Variants in VEPH1 observed in about 807,000 individuals in gnomAD.
VEPH1 encodes the protein ventricular zone-expressed PH domain-containing protein homolog 1.
VEPH1 carries 80 observed loss-of-function variants against 85.2 expected under a neutral mutation model. The observed-to-expected ratio is 0.94, with a 90% confidence interval of 0.78 to 1.13. The LOEUF (loss-of-function observed/expected upper bound fraction) is 1.13, where lower values mean the gene tolerates loss of function less well. Among genes scored for constraint, VEPH1 ranks in the 50% most tolerant of loss-of-function variants. The pLI is 0.00. For missense variants in VEPH1, 955 were observed against 980.5 expected, an observed-to-expected ratio of 0.97 and a Z score of 0.35; for synonymous variants, 297 against 348.0, an observed-to-expected ratio of 0.85 and a Z score of 1.63.
chr3:157,469,688 C>A (rs1736734965), intron 3 of VEPH1, among the ~76,000 whole-genome samples: 1 of 152,192 alleles, frequency 6.6e-6, no homozygotes, highest in African/African-American at 2.4e-5. Flanking sequence ...TTGTCATAGA[C>A]AATGTCATTT....
At chr3:157,328,433 G>A (rs915307880) in intron 9 of VEPH1, among the ~76,000 whole-genome samples, 4 of 152,152 alleles carry the variant, frequency 2.6e-5, no homozygotes, top group Admixed American at 6.5e-5. Context: ...TGGCATCTAG[G>A]TTGCTCAGTG....
intron 4 of VEPH1, among the ~76,000 whole-genome samples, chr3:157,458,475 T>C (rs892906190): frequency 6.6e-6 from 1 of 152,206 alleles, no homozygotes; most frequent in Non-Finnish European, 1.5e-5. Context: ...GGGCTATTTG[T>C]TTCTTGCTTG....
At chr3:157,265,855 A>T (rs1353993049) in intron 12 of VEPH1, among the ~76,000 whole-genome samples, 193 bp from the exon 13 acceptor site, 2 of 152,108 alleles carry the variant, frequency 1.3e-5, no homozygotes, top group African/African-American at 4.8e-5. Flanking sequence ...GACAATGGAA[A>T]ACTGTTGAAA....
chr3:157,298,683 T>G (rs1020970364), intron 11 of VEPH1, among the ~76,000 whole-genome samples: 3 of 152,078 alleles, frequency 2.0e-5, no homozygotes, highest in African/African-American at 7.2e-5. Flanking sequence ...CAGAAGAAAT[T>G]ACCAGACCCA....
chr3:157,470,241 G>C, intron 3 of VEPH1, 73 bp downstream of exon 3: 1 of 1,396,888 alleles, frequency 7.2e-7, no homozygotes, highest in East Asian at 2.3e-5. Context: ...TTGGCTCTTG[G>C]TTCACAGACA....
intron 11 of VEPH1, among the ~76,000 whole-genome samples, chr3:157,290,080 A>G (rs1273318098): frequency 1.4e-5 from 2 of 142,126 alleles, no homozygotes; most frequent in Non-Finnish European, 3.0e-5. Flanking sequence ...ACACACACAC[A>G]ACCTGTCTTG....
intron 11 of VEPH1, among the ~76,000 whole-genome samples, chr3:157,299,712 G>T (rs1187449509): frequency 6.6e-6 from 1 of 152,116 alleles, no homozygotes; most frequent in African/African-American, 2.4e-5. Context: ...GAAAGAGCCT[G>T]ATCCCACAGC....
chr3:157,323,616 T>C (rs1191071983), intron 9 of VEPH1, among the ~76,000 whole-genome samples: 1 of 152,172 alleles, frequency 6.6e-6, no homozygotes, highest in Admixed American at 6.5e-5. Context: ...CATTTCCCCA[T>C]TGTGGCAAAA....
At chr3:157,432,352 G>A (rs765142736) in intron 4 of VEPH1, among the ~76,000 whole-genome samples, 5 of 151,666 alleles carry the variant, frequency 3.3e-5, no homozygotes, top group Non-Finnish European at 7.4e-5. Context: ...TTACTTCATG[G>A]TTTAGGTTTT....
chr3:157,478,276 T>C (rs186084672), intron 2 of VEPH1, among the ~76,000 whole-genome samples: 10 of 152,278 alleles, frequency 6.6e-5, no homozygotes, highest in Admixed American at 5.2e-4. Context: ...GAGGCCTTTT[T>C]TTCACAGCTG....
intron 5 of VEPH1, among the ~76,000 whole-genome samples, chr3:157,417,470 G>C (rs1209138915): frequency 6.6e-6 from 1 of 152,160 alleles, no homozygotes; most frequent in African/African-American, 2.4e-5. Flanking sequence ...ACTGCCACCA[G>C]AGTCATAGCC....
chr3:157,361,066 A>C (rs1405372830), intron 9 of VEPH1, among the ~76,000 whole-genome samples: 1 of 152,146 alleles, frequency 6.6e-6, no homozygotes, highest in East Asian at 1.9e-4. Flanking sequence ...AATTCACTTA[A>C]TCTCTCTTAT....
Position 157,483,132 on chromosome 3 carries a change from A to ACACACG in VEPH1, c.138+12079_138+12080insCGTGTG, listed in dbSNP as rs1421886213. 1.5e-3 allele frequency among the ~76,000 whole-genome samples: 220 copies of ACACACG among 150,606 alleles called. 7 individuals are homozygous for ACACACG. The East Asian group carries it at 0.028, about 20-fold the overall frequency. On this transcript the variant is annotated intron_variant, in intron 2 of 13. Transcript: ENST00000362010. ...TCCACTTTTAAAAGCATACACACACACACACACACACACACACACACAATG... is the reference window on the plus strand; with the variant it reads ...TCCACTTTTAAAAGCATACACACACACACACGCACACACACACACACACACACAATG...
chr3:157,266,115 T>C (rs1328502989), intron 12 of VEPH1, among the ~76,000 whole-genome samples: 2 of 150,284 alleles, frequency 1.3e-5, no homozygotes, highest in African/African-American at 2.5e-5. Context: ...CCATGCTTTA[T>C]GACACATGAA....
Position 157,363,568 on chromosome 3 carries a change from G to T in VEPH1, c.1531C>A (p.Pro511Thr). Residue 511 changes from proline (P) to threonine (T), a missense_variant, in exon 9 of 14, where the codon CCA (proline) becomes ACA (threonine). Pro to Thr is a conservative substitution (Grantham distance 38). Coordinates refer to ENST00000362010, the MANE Select transcript of VEPH1 (RefSeq NM_001167912.2). ...TCTGAGTCTATATGTATAATATTTG[G>T]GTATGAAACTGAAGACTCCCCCAGC... ...SQLGESSVSYPNIIHIDSENL... is the reference protein window; with the variant it reads ...SQLGESSVSYTNIIHIDSENL... 6.2e-7 allele frequency: 1 copy of T among 1,614,000 alleles called. No individual in the cohort carries two copies. Among genetic ancestry groups the T allele is most frequent in the Non-Finnish European group, 8.5e-7 (1 of 1,179,996 alleles).
intron 2 of VEPH1, among the ~76,000 whole-genome samples, chr3:157,491,289 C>T (rs1370996931): frequency 2.6e-5 from 4 of 151,942 alleles, no homozygotes; most frequent in African/African-American, 4.8e-5. Flanking sequence ...GCGGGTGGAT[C>T]GGTTGGGCAT....
rs775503594 is a variant in VEPH1, at chr3:157,428,325, G to A, written c.693C>T (p.Leu231=). The A allele has an allele frequency of 6.8e-6, 11 of 1,613,972 alleles. No individual in the cohort carries two copies. Among genetic ancestry groups the A allele is most frequent in the South Asian group, 4.4e-5 (4 of 91,058 alleles). Residue 231 remains leucine (L), a synonymous_variant, in exon 5 of 14, where the codon CTC becomes CTT. Coordinates refer to ENST00000362010, the MANE Select transcript of VEPH1 (RefSeq NM_001167912.2). ...LLHVAAKKKQ[L]EVVQKCIPFL... is the part of the protein sequence containing the mutation. ...ACATATACAATGTACTTTTTACCTC[G>A]AGTTGTTTTTTCTTTGCTGCTACAT... is the stretch of plus-strand genomic sequence containing the variant.
intron 11 of VEPH1, among the ~76,000 whole-genome samples, chr3:157,298,035 A>G (rs566378456): frequency 8.2e-4 from 123 of 150,814 alleles, no homozygotes; most frequent in African/African-American, 2.8e-3. Flanking sequence ...AATTGAAAAA[A>G]ATTCAGGGCA....
chr3:157,269,143 CT>C (rs1475583057), intron 12 of VEPH1, among the ~76,000 whole-genome samples: 2 of 152,140 alleles, frequency 1.3e-5, no homozygotes, highest in East Asian at 3.8e-4. Flanking sequence ...CCTTTTGGAT[CT>C]GACATAGAGG....
Sources: allele counts gnomAD v4.1 joint callset (sites outside exome capture counted in the v4.1 genomes callset), GRCh38; gene constraint gnomAD v4.1.1; transcripts MANE v1.5; gene names NCBI Gene and HGNC (gene_info 2026-07-23, HGNC 2026-07-21).